Variants in PLD1 observed in about 807,000 individuals in gnomAD.
PLD1 encodes phospholipase D1.
In PLD1, 112 loss-of-function variants were observed where a neutral mutation model predicts 137.1. That is an observed-to-expected ratio of 0.82 (90% CI 0.70 to 0.96). The LOEUF (loss-of-function observed/expected upper bound fraction) is 0.96, where lower values mean the gene tolerates loss of function less well. Ranked by LOEUF, PLD1 falls within the 40% of genes least tolerant of loss-of-function variation. The pLI, the probability that PLD1 is intolerant of heterozygous loss-of-function variation, is 0.00. For synonymous variants in PLD1, 431 were observed against 454.7 expected (o/e 0.95, Z 0.66); for missense variants, 1,321 against 1,342.0 (o/e 0.98, Z 0.24).
intron 23 of PLD1, among the ~76,000 whole-genome samples, chr3:171,632,792 T>G (rs976919873): frequency 1.3e-5 from 2 of 152,352 alleles, no homozygotes; most frequent in South Asian, 4.1e-4. Context: ...TTTTAGCAGC[T>G]TGAAGGTTTA....
At chr3:171,656,167 T>TATTTATTTATTTATTG in intron 21 of PLD1, among the ~76,000 whole-genome samples, 1 of 150,760 alleles carries the variant, frequency 6.6e-6, no homozygotes, top group Non-Finnish European at 1.5e-5. Context: ...TTTATTTATT[T>TATTTATTTATTTATTG]ATTTATTTAT....
intron 23 of PLD1, among the ~76,000 whole-genome samples, chr3:171,620,742 C>CTCTCTCTCTCTCTCTATA (rs1473647659): frequency 1.8e-4 from 17 of 94,784 alleles, no homozygotes; most frequent in African/African-American, 5.1e-4. Context: ...CTCTCTCTCT[C>CTCTCTCTCTCTCTCTATA]TATATATATA....
chr3:171,701,912 G>A (rs959921192), intron 11 of PLD1, among the ~76,000 whole-genome samples: 8 of 152,068 alleles, frequency 5.3e-5, no homozygotes, highest in East Asian at 1.9e-4. Flanking sequence ...ATATTAAGAC[G>A]TACCTCTAAG....
intron 1 of PLD1, among the ~76,000 whole-genome samples, chr3:171,759,492 C>T (rs111256889): frequency 0.093 from 14,173 of 152,122 alleles, 793 homozygotes; most frequent in Middle Eastern, 0.2. Flanking sequence ...TTCTCTCAAC[C>T]CTATGCCCTC....
intron 23 of PLD1, among the ~76,000 whole-genome samples, chr3:171,632,590 T>TA (rs547750406): frequency 3.0e-4 from 44 of 146,324 alleles, no homozygotes; most frequent in Admixed American, 8.9e-4. Context: ...TGACTCAGGG[T>TA]AAAAAAAAAA....
chr3:171,699,673 T>C, intron 12 of PLD1, 72 bp downstream of exon 12: 1 of 1,113,774 alleles, frequency 9.0e-7, no homozygotes, highest in Non-Finnish European at 1.4e-6. Flanking sequence ...TGAAAGGCTT[T>C]GAAAAGAAAA....
chr3:171,802,533 C>T (rs13068741), intron 1 of PLD1, among the ~76,000 whole-genome samples: 58,019 of 151,912 alleles, frequency 0.38, 11,280 homozygotes, highest in Middle Eastern at 0.54. Context: ...ATTAAAAGGC[C>T]CTAAGATGGA....
chr3:171,760,861 T>C (rs1178150674), intron 1 of PLD1, among the ~76,000 whole-genome samples: 3 of 152,206 alleles, frequency 2.0e-5, no homozygotes, highest in Non-Finnish European at 2.9e-5. Context: ...CTAGTAACAA[T>C]TGTGCTGAAG....
At chr3:171,806,279 C>T (rs897042315) in intron 1 of PLD1, among the ~76,000 whole-genome samples, 6 of 152,188 alleles carry the variant, frequency 3.9e-5, no homozygotes, top group Admixed American at 6.5e-5. Flanking sequence ...GAAACACTTA[C>T]GTAACATACA....
intron 6 of PLD1, among the ~76,000 whole-genome samples, chr3:171,730,429 A>T (rs1289810409): frequency 6.6e-6 from 1 of 152,118 alleles, no homozygotes; most frequent in Non-Finnish European, 1.5e-5. Context: ...GGAAAAAAAA[A>T]AAAAGAATTA....
rs561455699 is a variant in PLD1 at position 171,697,743 on chromosome 3, T to C, written c.1227+2002A>G. Among the ~76,000 whole-genome samples the C allele has an allele frequency of 2.6e-4, 39 of 152,340 alleles. No individual in the cohort carries two copies. In the South Asian group the frequency reaches 7.9e-3, roughly 31 times the overall value. On this transcript the variant is annotated intron_variant, in intron 12 of 26. Coordinates refer to ENST00000351298, the MANE Select transcript of PLD1 (RefSeq NM_002662.5). ...CATCCTAAATGCCCCACATCCTTCA[T>C]GTTGTGTGGAGCTCCCCAACTGGAC...
rs763483179 is a variant in PLD1 at position 171,659,264 on chromosome 3, A to C, written c.2378T>G (p.Val793Gly). 2 of 1,613,768 alleles carry C rather than the reference A, an allele frequency of 1.2e-6. No homozygotes were observed. The highest frequency in any genetic ancestry group is 1.7e-6 in the Non-Finnish European group (2 of 1,179,612). ...FFISCADDKV[V>G]FNKIGDAIAQ... The stretch of plus-strand genomic sequence containing the variant: ...AATGGCATCGCCTATCTTGTTGAAC[A>C]CAACTTTGTCATCAGCACAGCTTAT... The change falls in exon 21 of 27, where the codon GTG becomes GGG. Residue 793 changes from valine (V) to glycine (G), a missense_variant. Transcript: ENST00000351298.
At chr3:171,656,160 A>T (rs185059511) in intron 21 of PLD1, among the ~76,000 whole-genome samples, 4 of 142,996 alleles carry the variant, frequency 2.8e-5, no homozygotes, top group African/African-American at 8.4e-5. Flanking sequence ...CTATAATTTT[A>T]TTTATTTATT....
intron 21 of PLD1, among the ~76,000 whole-genome samples, chr3:171,648,573 G>C (rs1303492154): frequency 8.9e-6 from 1 of 111,828 alleles, no homozygotes; most frequent in Non-Finnish European, 1.9e-5. Context: ...TTTTTTTTTT[G>C]AGACCCAGTC....
intron 8 of PLD1, among the ~76,000 whole-genome samples, chr3:171,718,362 C>T (rs550647556): frequency 2.6e-4 from 40 of 152,224 alleles, no homozygotes; most frequent in African/African-American, 8.7e-4. Flanking sequence ...CAGGACCAGG[C>T]GGATTCACAC....
At chr3:171,770,235 A>G (rs1722249363) in intron 1 of PLD1, among the ~76,000 whole-genome samples, 1 of 152,236 alleles carries the variant, frequency 6.6e-6, no homozygotes, top group Non-Finnish European at 1.5e-5. Flanking sequence ...ATTCTGAAGA[A>G]TCACTTGAGA....
chr3:171,660,536 T>G (rs2108433892), intron 20 of PLD1, among the ~76,000 whole-genome samples: 1 of 152,348 alleles, frequency 6.6e-6, no homozygotes, highest in African/African-American at 2.4e-5. Context: ...TATGTATACC[T>G]ACATGGCGTT....
At chr3:171,775,617 C>T (rs902555488) in intron 1 of PLD1, among the ~76,000 whole-genome samples, 2 of 151,988 alleles carry the variant, frequency 1.3e-5, no homozygotes, top group Non-Finnish European at 1.5e-5. Flanking sequence ...CTGAGAGGGG[C>T]GGATCACCTG....
At chr3:171,756,166 A>G (rs1299309865) in intron 1 of PLD1, among the ~76,000 whole-genome samples, 1 of 152,212 alleles carries the variant, frequency 6.6e-6, no homozygotes, top group African/African-American at 2.4e-5. Context: ...AAGGCAGGTG[A>G]TGTTAAGGCA....
Sources: gnomAD v4.1 joint callset for allele counts (sites outside exome capture counted in the v4.1 genomes callset) on GRCh38, gnomAD v4.1.1 for gene constraint, MANE v1.5 for transcripts, NCBI Gene and HGNC (gene_info 2026-07-23, HGNC 2026-07-21) for gene names.